The following AK7 variants were observed in gnomAD, a reference collection of about 807,000 sequenced individuals.
AK7 encodes the protein ATP-AMP transphosphorylase 7.
A neutral mutation model predicts 96.6 loss-of-function variants in AK7; 78 were observed. That is an observed-to-expected ratio of 0.81 (90% CI 0.67 to 0.97). The LOEUF (loss-of-function observed/expected upper bound fraction) is 0.97, where lower values mean the gene tolerates loss of function less well. Ranked by LOEUF, AK7 falls within the 50% of genes least tolerant of loss-of-function variation. The pLI is 0.00. For missense variants in AK7, 855 were observed against 887.9 expected, an observed-to-expected ratio of 0.96 and a Z score of 0.47; for synonymous variants, 302 against 317.2, an observed-to-expected ratio of 0.95 and a Z score of 0.51.
intron 5 of AK7, among the ~76,000 whole-genome samples, chr14:96,434,037 T>C (rs1053375619): frequency 7.9e-5 from 12 of 152,266 alleles, no homozygotes; most frequent in African/African-American, 2.9e-4. Flanking sequence ...ATAGCTCTGC[T>C]TTGCCAGGAT....
chr14:96,408,704 G>A (rs1890865912), intron 3 of AK7, 143 bp from the exon 4 acceptor site: 4 of 661,438 alleles, frequency 6.0e-6, no homozygotes, highest in Non-Finnish European at 1.0e-5. Context: ...TTTGAAGAAC[G>A]GTGATGGGAA....
At chr14:96,436,849 T>TA (rs1401778734) in intron 5 of AK7, among the ~76,000 whole-genome samples, 1 of 152,076 alleles carries the variant, frequency 6.6e-6, no homozygotes, top group African/African-American at 2.4e-5. Flanking sequence ...CCCTGAGACT[T>TA]ACAGCAGCAG....
chr14:96,408,486 C>T (rs1194065928), intron 3 of AK7, among the ~76,000 whole-genome samples: 1 of 152,202 alleles, frequency 6.6e-6, no homozygotes, highest in East Asian at 1.9e-4. Context: ...GTCACCAGCC[C>T]TCCCAAAAAG....
chr14:96,420,933 G>GT lies in AK7; in HGVS notation c.609+2dup. On this transcript the variant is annotated splice_donor_variant, in intron 5 of 17. Coordinates refer to ENST00000267584, the MANE Select transcript of AK7 (RefSeq NM_152327.5). LOFTEE classifies it high-confidence loss of function. ...AATGGTTCTCAAATTTGGAAAAAAG[G>GT]TAAGTCTGGCATAGTGGAACATGGA... 6.3e-7 allele frequency: 1 copy of GT among 1,585,526 alleles called. No homozygotes were observed. The highest frequency in any genetic ancestry group is 8.7e-7 in the Non-Finnish European group (1 of 1,154,460).
At chr14:96,393,253 A>G (rs960132136) in intron 1 of AK7, among the ~76,000 whole-genome samples, 4 of 152,178 alleles carry the variant, frequency 2.6e-5, no homozygotes, top group African/African-American at 9.7e-5. Context: ...AGCTACAGAG[A>G]AATCTAATCT....
intron 17 of AK7, 50 bp downstream of exon 17, chr14:96,487,106 G>C (rs754717056): frequency 6.3e-7 from 1 of 1,590,138 alleles, no homozygotes. Context: ...TGGGTGTGGC[G>C]GCTTACACCT....
In AK7 at chr14:96,399,533, C is replaced by T. The variant is rs539005864; in HGVS notation, c.294+1270C>T. Among the ~76,000 whole-genome samples, 1 of 152,202 alleles carries T rather than the reference C, an allele frequency of 6.6e-6. No individual in the cohort carries two copies. The highest frequency in any genetic ancestry group is 1.5e-5 in the Non-Finnish European group (1 of 68,038). ...CACCACTGAACTTCAGGAGACCAGC[C>T]GCATTTGCAGGTCTCACCCCTTCAC... On this transcript the variant is annotated intron_variant, in intron 2 of 17. Coordinates refer to ENST00000267584, the MANE Select transcript of AK7 (RefSeq NM_152327.5). The surrounding 1 kb of genome is among the most constrained non-coding windows in gnomAD (Gnocchi z 4.1).
chr14:96,450,561 C>T (rs1387471183), intron 9 of AK7, among the ~76,000 whole-genome samples: 1 of 130,128 alleles, frequency 7.7e-6, no homozygotes, highest in African/African-American at 2.9e-5. Context: ...ATTCCAATTC[C>T]ATCACAACAA....
intron 12 of AK7, among the ~76,000 whole-genome samples, chr14:96,465,661 A>G (rs572299958): frequency 6.6e-5 from 10 of 152,260 alleles, no homozygotes; most frequent in Admixed American, 2.0e-4. Context: ...GATTAAAATA[A>G]AATCCTTTTA....
At chr14:96,427,559 A>C (rs1892099987) in intron 5 of AK7, among the ~76,000 whole-genome samples, 1 of 152,212 alleles carries the variant, frequency 6.6e-6, no homozygotes, top group Non-Finnish European at 1.5e-5. Context: ...ATTCGACGTG[A>C]GATTTGGGTG....
At chr14:96,484,757 C>T (rs1470550238) in intron 16 of AK7, among the ~76,000 whole-genome samples, 1 of 152,182 alleles carries the variant, frequency 6.6e-6, no homozygotes, top group Non-Finnish European at 1.5e-5. Flanking sequence ...CTATTATATA[C>T]ATTTTATGTA....
intron 5 of AK7, among the ~76,000 whole-genome samples, chr14:96,422,886 G>T (rs914274538): frequency 1.3e-5 from 2 of 152,148 alleles, no homozygotes; most frequent in Non-Finnish European, 2.9e-5. Flanking sequence ...CCCTGACAAT[G>T]AATAAGTAGT....
chr14:96,478,751 A>T, intron 15 of AK7, 89 bp downstream of exon 15: 22 of 1,270,216 alleles, frequency 1.7e-5, no homozygotes, highest in African/African-American at 1.0e-4. Flanking sequence ...GGCTGGGGGG[A>T]GGGTGGGGAG....
intron 1 of AK7, among the ~76,000 whole-genome samples, chr14:96,393,751 T>C (rs541487670): frequency 1.3e-5 from 2 of 152,250 alleles, no homozygotes; most frequent in South Asian, 2.1e-4. Flanking sequence ...CATTCACAGG[T>C]TCTAAGAGGA....
At position 96,424,194 on chromosome 14, in the gene AK7, C is replaced by A. The variant is rs572931563; in HGVS notation, c.609+3262C>A. 6.2e-4 allele frequency: 361 copies of A among 577,902 alleles called. 3 individuals are homozygous for A. The highest frequency in any genetic ancestry group is 2.8e-3 in the Middle Eastern group (6 of 2,158). 35.8% of individuals were successfully genotyped at this position (577,902 alleles called of 1,614,324 possible). A position where few individuals can be genotyped will look rare whatever the true frequency, so the allele number is the denominator to read the frequency against. ...TTCCTGAAGGCTCCAGGGCCCGGAC[C>A]GCTGTCTGAGGTTCACCCGCGTGGC... On this transcript the variant is annotated intron_variant, in intron 5 of 17. Transcript: ENST00000267584.
At chr14:96,462,177 G>A (rs1328334079) in intron 12 of AK7, among the ~76,000 whole-genome samples, 2 of 152,214 alleles carry the variant, frequency 1.3e-5, no homozygotes, top group Admixed American at 1.3e-4. Context: ...GGAGGGGGCA[G>A]AGGAAGTGGT....
chr14:96,460,830 C>G (rs1428996533), intron 12 of AK7, among the ~76,000 whole-genome samples: 1 of 152,200 alleles, frequency 6.6e-6, no homozygotes, highest in African/African-American at 2.4e-5. Flanking sequence ...TTATGTTTGT[C>G]ACTGCCTGCT....
intron 9 of AK7, among the ~76,000 whole-genome samples, chr14:96,450,782 T>C (rs1470667989): frequency 6.9e-6 from 1 of 144,034 alleles, no homozygotes; most frequent in Non-Finnish European, 1.5e-5. Flanking sequence ...TTTTTTTTTT[T>C]TTTTTTTTTT....
In AK7 at chr14:96,408,938, C is replaced by T; in HGVS notation, c.495C>T (p.Asp165=). ...VMTWARSKAL[D]PEDSEVPFTE... Reference sequence around the variant, plus strand: ...CTTGGGCGCGCTCCAAAGCCCTGGACCCCGTAAGTAGAGCGTTAGCTTTCC... The same window carrying T: ...CTTGGGCGCGCTCCAAAGCCCTGGATCCCGTAAGTAGAGCGTTAGCTTTCC... The change falls in exon 4 of 18, where the codon GAC becomes GAT. Residue 165 remains aspartate (D), a synonymous_variant. Coordinates refer to ENST00000267584, the MANE Select transcript of AK7 (RefSeq NM_152327.5). 1 of 1,614,058 alleles carries T rather than the reference C, an allele frequency of 6.2e-7. No individual in the cohort carries two copies. Among genetic ancestry groups the T allele is most frequent in the South Asian group, 1.1e-5 (1 of 91,078 alleles).
Sources: allele counts gnomAD v4.1 joint callset (sites outside exome capture counted in the v4.1 genomes callset), GRCh38; gene constraint gnomAD v4.1.1; non-coding constraint Gnocchi (gnomAD v3.1); transcripts MANE v1.5; gene names NCBI Gene and HGNC (gene_info 2026-07-23, HGNC 2026-07-21).